GAS7: variants seen among roughly 807,000 people sequenced by gnomAD.
The protein encoded by GAS7 is growth arrest-specific protein 7.
In GAS7, 28 loss-of-function variants were observed where a neutral mutation model predicts 71.1. The observed-to-expected ratio is 0.39, with a 90% CI of 0.29 to 0.54. The LOEUF (loss-of-function observed/expected upper bound fraction) is 0.54, where lower values mean the gene tolerates loss of function less well. GAS7 is among the 20% of genes least tolerant of loss of function. The pLI, the probability that GAS7 is intolerant of heterozygous loss-of-function variation, is 0.62. For missense variants in GAS7, 436 were observed against 627.8 expected (o/e 0.69, Z 3.27); for synonymous variants, 258 against 245.8 (o/e 1.05, Z -0.46).
Position 9,940,326 on chromosome 17 carries a change from C to G in GAS7, c.732-126G>C, listed in dbSNP as rs927698448. The G allele has an allele frequency of 1.2e-4, 90 of 738,214 alleles. No homozygotes were observed. The Admixed American group carries it at 1.7e-3, about 14-fold the overall frequency. 45.7% of individuals were successfully genotyped at this position (738,214 alleles called of 1,614,324 possible). On this transcript the variant is annotated intron_variant, in intron 7 of 13. Transcript: ENST00000432992. ...GACCATAAGCTCTGAGACCACATGG[C>G]TCTTGTCTGTCTACCTGACATGCAG...
chr17:9,923,397 GAACAA>G (rs1400534763), intron 11 of GAS7, among the ~76,000 whole-genome samples: 1 of 148,900 alleles, frequency 6.7e-6, no homozygotes, highest in African/African-American at 2.5e-5. Flanking sequence ...AAATTACAAA[GAACAA>G]AACTAAAAGA....
chr17:9,926,557 G>A lies in GAS7; in HGVS notation c.1014+84C>T. On this transcript the variant is annotated intron_variant, in intron 10 of 13. Transcript: ENST00000432992. The surrounding 1 kb of genome is among the most constrained non-coding windows in gnomAD (Gnocchi z 5.0). Reference sequence around the variant, plus strand: ...GGACAAAGACTCAGCCTTGGCGTATGGAGCCACTGCTGGCTTCCCAGTCCC... The same window carrying A: ...GGACAAAGACTCAGCCTTGGCGTATAGAGCCACTGCTGGCTTCCCAGTCCC... 3 of 1,416,066 alleles carry A rather than the reference G, an allele frequency of 2.1e-6. No homozygotes were observed. The highest frequency in any genetic ancestry group is 3.0e-6 in the Non-Finnish European group (3 of 1,012,384). The allele number at this position is 1,416,066 out of a possible 1,614,324, so 87.7% of individuals were successfully genotyped here.
intron 1 of GAS7, among the ~76,000 whole-genome samples, chr17:10,132,485 G>C (rs535636062): frequency 6.6e-6 from 1 of 152,102 alleles, no homozygotes; most frequent in Non-Finnish European, 1.5e-5. Flanking sequence ...ATTATTTTTG[G>C]CCAGGCACGG....
At chr17:10,115,175 C>T (rs143767908) in intron 1 of GAS7, among the ~76,000 whole-genome samples, 12 of 152,282 alleles carry the variant, frequency 7.9e-5, no homozygotes, top group Admixed American at 5.9e-4. Flanking sequence ...TAAATTAGGA[C>T]GGGGGCTTAT....
At chr17:10,078,053 T>TTGTGTG (rs59380311) in intron 1 of GAS7, among the ~76,000 whole-genome samples, 55 of 146,412 alleles carry the variant, frequency 3.8e-4, no homozygotes, top group East Asian at 1.4e-3. Flanking sequence ...GTTTTTTCTG[T>TTGTGTG]TGTGTGTGTG....
At chr17:9,943,853 AGG>A (rs2068696039) in intron 6 of GAS7, among the ~76,000 whole-genome samples, 1 of 152,220 alleles carries the variant, frequency 6.6e-6, no homozygotes, top group Non-Finnish European at 1.5e-5. Flanking sequence ...CACTCACTCC[AGG>A]CCTAAGCTTT....
intron 1 of GAS7, among the ~76,000 whole-genome samples, chr17:10,094,595 A>C (rs752686409): frequency 6.6e-6 from 1 of 151,974 alleles, no homozygotes; most frequent in Non-Finnish European, 1.5e-5. Context: ...CAGACTCCCA[A>C]GTAGCTGAGA....
intron 1 of GAS7, among the ~76,000 whole-genome samples, chr17:10,131,486 G>T (rs1421662927): frequency 6.6e-6 from 1 of 152,202 alleles, no homozygotes; most frequent in African/African-American, 2.4e-5. Flanking sequence ...AGCCAGGCGT[G>T]TGGCACATGC....
At chr17:9,924,722 G>T (rs920813633) in intron 11 of GAS7, 1 of 152,134 alleles carries the variant, frequency 6.6e-6, no homozygotes, top group Non-Finnish European at 1.5e-5. Flanking sequence ...ATTGTAACAG[G>T]TTCACCAGAA....
intron 2 of GAS7, among the ~76,000 whole-genome samples, chr17:10,005,184 T>TGTGCGCACGCATGCATGC (rs2071455867): frequency 1.5e-5 from 2 of 133,664 alleles, no homozygotes; most frequent in Non-Finnish European, 3.4e-5. Context: ...CATGTATGTG[T>TGTGCGCACGCATGCATGC]ATGTGCACGC....
chr17:10,136,083 CA>C (rs891657657), intron 1 of GAS7, among the ~76,000 whole-genome samples: 1 of 152,182 alleles, frequency 6.6e-6, no homozygotes, highest in Non-Finnish European at 1.5e-5. Context: ...AAATGCCTCC[CA>C]AATGTTGTCT....
intron 5 of GAS7, among the ~76,000 whole-genome samples, chr17:9,954,066 TAGTAGGGCCC>T (rs2069127081): frequency 6.6e-6 from 1 of 151,850 alleles, no homozygotes. Flanking sequence ...TAGGTAATAA[TAGTAGGGCCC>T]AGGCAGACAG....
At chr17:10,027,762 G>A (rs139000444) in intron 1 of GAS7, among the ~76,000 whole-genome samples, 2 of 152,314 alleles carry the variant, frequency 1.3e-5, no homozygotes, top group East Asian at 1.9e-4. Context: ...GCTAGGCATC[G>A]TGGCTTGTGC....
chr17:10,038,906 C>G (rs1481245776), intron 1 of GAS7, among the ~76,000 whole-genome samples: 3 of 151,910 alleles, frequency 2.0e-5, no homozygotes, highest in Non-Finnish European at 4.4e-5. Flanking sequence ...TGTGGATGGA[C>G]CTTAAGGACA....
intron 1 of GAS7, among the ~76,000 whole-genome samples, chr17:10,119,592 C>A (rs1195235535): frequency 1.3e-5 from 2 of 152,242 alleles, no homozygotes; most frequent in African/African-American, 4.8e-5. Flanking sequence ...CCTCTCCCAA[C>A]ACACCACACC....
chr17:9,917,566 C>T lies in GAS7; in HGVS notation c.1318-225G>A, dbSNP rs59994052. Among the ~76,000 whole-genome samples the T allele has an allele frequency of 0.051, 7,752 of 152,312 alleles. 291 individuals are homozygous for T. The highest frequency in any genetic ancestry group is 0.11 in the African/African-American group (4,369 of 41,560). ...TGCTTCTCACCCTGCAGACCCCAGG[C>T]CTGGATGAGAGGCCAGGAGGGCCTT... On this transcript the variant is annotated intron_variant, in intron 13 of 13. Coordinates refer to ENST00000432992, the MANE Select transcript of GAS7 (RefSeq NM_201433.2).
intron 2 of GAS7, among the ~76,000 whole-genome samples, chr17:9,997,097 G>A (rs909877331): frequency 1.3e-5 from 2 of 152,130 alleles, no homozygotes; most frequent in African/African-American, 2.4e-5. Flanking sequence ...GTAAAGAGGT[G>A]CTTCTCAAGG....
intron 1 of GAS7, among the ~76,000 whole-genome samples, chr17:10,118,612 G>A (rs2073881062): frequency 6.7e-6 from 1 of 149,338 alleles, no homozygotes; most frequent in Non-Finnish European, 1.5e-5. Flanking sequence ...GCTGAGGCAG[G>A]AGAATCATTT....
At chr17:10,173,024 G>A (rs1391103305) in intron 1 of GAS7, among the ~76,000 whole-genome samples, 2 of 152,188 alleles carry the variant, frequency 1.3e-5, no homozygotes, top group African/African-American at 4.8e-5. Context: ...ACTGATACAC[G>A]TCACTACGCA....
Sources: gnomAD v4.1 joint callset for allele counts (sites outside exome capture counted in the v4.1 genomes callset) on GRCh38, gnomAD v4.1.1 for gene constraint, Gnocchi (gnomAD v3.1) non-coding constraint, MANE v1.5 for transcripts, NCBI Gene and HGNC (gene_info 2026-07-23, HGNC 2026-07-21) for gene names.